GPR158: variants seen among roughly 807,000 people sequenced by gnomAD.
The protein encoded by GPR158 is G protein-coupled receptor 158.
Under a neutral mutation model 78.2 loss-of-function variants are expected in GPR158, and 30 were observed. That is an observed-to-expected ratio of 0.38 (90% CI 0.29 to 0.52). The LOEUF (loss-of-function observed/expected upper bound fraction) is 0.52. GPR158 is among the 20% of genes least tolerant of loss of function. The pLI, the probability that GPR158 is intolerant of heterozygous loss-of-function variation, is 0.83. For missense variants in GPR158, 1,463 were observed against 1,523.5 expected (o/e 0.96, Z 0.66); for synonymous variants, 581 against 591.1 (o/e 0.98, Z 0.25).
rs151030903 is a variant in GPR158, at chr10:25,487,073, A to G, written c.1404+20354A>G. ...CCCCCTTTTAAATGGGAATCACGAT[A>G]TAACAGATTCACAGGTTCCTGGGAT... On this transcript the variant is annotated intron_variant, in intron 5 of 10. Transcript: ENST00000376351. Among the ~76,000 whole-genome samples the G allele has an allele frequency of 2.2e-3, 335 of 152,220 alleles. 2 individuals carry two copies. Among genetic ancestry groups the G allele is most frequent in the African/African-American group, 7.6e-3 (316 of 41,544 alleles).
chr10:25,281,215 A>G (rs1031231563), intron 2 of GPR158, among the ~76,000 whole-genome samples: 1 of 151,602 alleles, frequency 6.6e-6, no homozygotes, highest in Non-Finnish European at 1.5e-5. Context: ...AAATTAAATG[A>G]CCTGTAAGTA....
At chr10:25,195,066 T>C (rs1852826008) in intron 1 of GPR158, among the ~76,000 whole-genome samples, 1 of 152,142 alleles carries the variant, frequency 6.6e-6, no homozygotes, top group South Asian at 2.1e-4. Flanking sequence ...GATCACTTGC[T>C]TAAAACCATG....
chr10:25,465,866 G>A (rs573032357), intron 4 of GPR158, among the ~76,000 whole-genome samples: 10 of 152,186 alleles, frequency 6.6e-5, no homozygotes, highest in African/African-American at 2.4e-4. Flanking sequence ...GATTGAAAGT[G>A]AGGGACTAAG....
chr10:25,505,492 A>G (rs2130662919), intron 5 of GPR158, among the ~76,000 whole-genome samples: 1 of 152,194 alleles, frequency 6.6e-6, no homozygotes, highest in African/African-American at 2.4e-5. Flanking sequence ...TTTCTTTTGC[A>G]CCTTTTACTT....
intron 2 of GPR158, among the ~76,000 whole-genome samples, chr10:25,381,050 C>T (rs1834147901): frequency 6.6e-6 from 1 of 152,090 alleles, no homozygotes; most frequent in African/African-American, 2.4e-5. Context: ...GCCCTGGAAA[C>T]CCCAGTTGGT....
chr10:25,192,054 A>T (rs1336964381), intron 1 of GPR158, among the ~76,000 whole-genome samples: 1 of 152,058 alleles, frequency 6.6e-6, no homozygotes, highest in Non-Finnish European at 1.5e-5. Flanking sequence ...TCTGCACCCA[A>T]AATCTCATCT....
chr10:25,250,103 G>C (rs1853771407), intron 2 of GPR158, among the ~76,000 whole-genome samples: 1 of 120,168 alleles, frequency 8.3e-6, no homozygotes, highest in Non-Finnish European at 1.7e-5. Context: ...TTTGCATAGA[G>C]GTGTTTGTAG....
chr10:25,302,749 A>T (rs1280885864), intron 2 of GPR158, among the ~76,000 whole-genome samples: 1 of 152,198 alleles, frequency 6.6e-6, no homozygotes, highest in Non-Finnish European at 1.5e-5. Flanking sequence ...CCCTGTTCTA[A>T]GTCAGTGCTA....
chr10:25,192,362 C>G (rs1852783875), intron 1 of GPR158, among the ~76,000 whole-genome samples: 1 of 152,182 alleles, frequency 6.6e-6, no homozygotes, highest in Admixed American at 6.5e-5. Flanking sequence ...GTTACCCAGT[C>G]TCGGGCAGTT....
chr10:25,283,498 A>G (rs1229191500), intron 2 of GPR158, among the ~76,000 whole-genome samples: 1 of 152,038 alleles, frequency 6.6e-6, no homozygotes, highest in Non-Finnish European at 1.5e-5. Flanking sequence ...AACTCCCGGA[A>G]GCTTAGTGTT....
intron 2 of GPR158, among the ~76,000 whole-genome samples, chr10:25,323,381 G>A (rs1055127572): frequency 2.6e-5 from 4 of 152,136 alleles, no homozygotes; most frequent in African/African-American, 7.2e-5. Flanking sequence ...CACTCAGCCT[G>A]CCCTTGGAAA....
rs990099133 is a variant in GPR158 at position 25,239,532 on chromosome 10, T to A, written c.1008+18375T>A. ...CTGAGGCAGGAGAGTCACTTAAACC[T>A]GGGAGGCAGAGGTTGCAGTGAATCA... is the stretch of plus-strand genomic sequence containing the variant. On this transcript the variant is annotated intron_variant, in intron 2 of 10. Transcript: ENST00000376351. Among the ~76,000 whole-genome samples the A allele has an allele frequency of 4.7e-5, 7 of 149,898 alleles. No homozygotes were observed. The Admixed American group carries it at 4.7e-4, about 10-fold the overall frequency.
chr10:25,435,595 G>A (rs946144884), intron 4 of GPR158, among the ~76,000 whole-genome samples: 1 of 152,194 alleles, frequency 6.6e-6, no homozygotes, highest in Non-Finnish European at 1.5e-5. Flanking sequence ...AGGTCGTCAG[G>A]ACTCAGTCAT....
intron 2 of GPR158, among the ~76,000 whole-genome samples, chr10:25,267,500 G>T (rs527304910): frequency 1.1e-4 from 16 of 152,270 alleles, no homozygotes; most frequent in African/African-American, 3.6e-4. Flanking sequence ...TACAATTCAA[G>T]ATGAGATTTG....
chr10:25,483,296 C>T (rs1426762983), intron 5 of GPR158, among the ~76,000 whole-genome samples: 3 of 152,040 alleles, frequency 2.0e-5, no homozygotes, highest in Non-Finnish European at 4.4e-5. Context: ...TTTCCAGTAA[C>T]ACTGGGCTCT....
At chr10:25,352,830 T>C (rs1375880356) in intron 2 of GPR158, among the ~76,000 whole-genome samples, 2 of 152,084 alleles carry the variant, frequency 1.3e-5, no homozygotes, top group African/African-American at 2.4e-5. Flanking sequence ...CTTGAACTGT[T>C]ACTCTGTATG....
intron 5 of GPR158, among the ~76,000 whole-genome samples, chr10:25,480,082 T>C (rs1249794156): frequency 6.6e-6 from 1 of 152,192 alleles, no homozygotes; most frequent in Non-Finnish European, 1.5e-5. Context: ...TCTTTGTTTT[T>C]CTTATCTCTT....
intron 2 of GPR158, among the ~76,000 whole-genome samples, chr10:25,351,434 G>C (rs1055293135): frequency 6.6e-6 from 1 of 151,196 alleles, no homozygotes; most frequent in Non-Finnish European, 1.5e-5. Flanking sequence ...TTGGGGGTGG[G>C]GGGGTGCTGG....
chr10:25,428,284 C>T (rs1834850884), intron 4 of GPR158, among the ~76,000 whole-genome samples: 1 of 151,928 alleles, frequency 6.6e-6, no homozygotes, highest in East Asian at 1.9e-4. Flanking sequence ...TAAAATTCTG[C>T]TGATATTCAT....
Sources: gnomAD v4.1 joint callset for allele counts (sites outside exome capture counted in the v4.1 genomes callset) on GRCh38, gnomAD v4.1.1 for gene constraint, MANE v1.5 for transcripts, NCBI Gene and HGNC (gene_info 2026-07-23, HGNC 2026-07-21) for gene names.